Variants in ADAM9 observed in about 807,000 individuals in gnomAD.
ADAM9 encodes the protein disintegrin and metalloproteinase domain-containing protein 9.
ADAM9 carries 54 observed loss-of-function variants against 108.1 expected under a neutral mutation model. The observed-to-expected ratio is 0.50, with a 90% CI of 0.40 to 0.63. ADAM9 has a LOEUF of 0.63. ADAM9 is among the 20% of genes least tolerant of loss of function. ADAM9 has a pLI of 0.00. For missense variants in ADAM9, 830 were observed against 997.7 expected, an observed-to-expected ratio of 0.83 and a Z score of 2.26; for synonymous variants, 316 against 336.0, an observed-to-expected ratio of 0.94 and a Z score of 0.65.
rs183067218 is a variant in ADAM9 at position 39,100,334 on chromosome 8, G to C, written c.2299-1529G>C. On this transcript the variant is annotated intron_variant, in intron 20 of 21. Transcript: ENST00000487273. The stretch of plus-strand genomic sequence containing the variant: ...GAAACCCCGTCTCTACTAAAAATAC[G>C]AAAAAAAAATTAGCCAGGCGTGGTG... Among the ~76,000 whole-genome samples, 925 of 149,920 alleles carry C rather than the reference G, an allele frequency of 6.2e-3. 11 individuals are homozygous for C. The highest frequency in any genetic ancestry group is 0.022 in the African/African-American group (890 of 40,928).
chr8:39,011,187 G>A (rs1836343941), intron 2 of ADAM9, among the ~76,000 whole-genome samples: 1 of 151,970 alleles, frequency 6.6e-6, no homozygotes, highest in Non-Finnish European at 1.5e-5. Flanking sequence ...TTAATGTGAG[G>A]GAAAAAAGCA....
chr8:39,037,355 C>T (rs954485383), intron 11 of ADAM9, among the ~76,000 whole-genome samples: 10 of 149,550 alleles, frequency 6.7e-5, no homozygotes, highest in African/African-American at 1.5e-4. Context: ...GGCCTGCCTG[C>T]GCAAGTTCTA....
Position 39,045,155 on chromosome 8 carries a change from T to TATATGTGTGC in ADAM9, c.1302+3041_1302+3042insTGTGTGCATA, listed in dbSNP as rs1588375973. ...ACATACATATATGTGTATATATGTGTATACATACATATATGTGTATATATG... is the reference window on the plus strand; with the variant it reads ...ACATACATATATGTGTATATATGTGTATATGTGTGCATACATACATATATGTGTATATATG... On this transcript the variant is annotated intron_variant, in intron 12 of 21. Transcript: ENST00000487273. Among the ~76,000 whole-genome samples, 3 of 108,624 alleles carry TATATGTGTGC rather than the reference T, an allele frequency of 2.8e-5. 1 individual carries two copies. The highest frequency in any genetic ancestry group is 5.7e-4 in the East Asian group (2 of 3,496). 71.3% of individuals were successfully genotyped at this position (108,624 alleles called of 152,430 possible).
At chr8:39,051,390 G>GT (rs1837954718) in intron 12 of ADAM9, among the ~76,000 whole-genome samples, 2 of 152,194 alleles carry the variant, frequency 1.3e-5, no homozygotes, top group African/African-American at 4.8e-5. Flanking sequence ...CTCTCAACTA[G>GT]TTTCTGGATT....
At chr8:39,050,401 A>T (rs1245248635) in intron 12 of ADAM9, among the ~76,000 whole-genome samples, 1 of 149,664 alleles carries the variant, frequency 6.7e-6, no homozygotes, top group African/African-American at 2.4e-5. Flanking sequence ...TGTGTATATT[A>T]GTCTCTTGAT....
chr8:39,014,241 A>G (rs1836453243), intron 4 of ADAM9, 198 bp downstream of exon 4: 2 of 584,782 alleles, frequency 3.4e-6, no homozygotes, highest in Non-Finnish European at 3.0e-6. Context: ...CCAGGTACTC[A>G]GTAGTTAAGG....
Position 39,026,860 on chromosome 8 carries a change from T to C in ADAM9, c.1130+50T>C, listed in dbSNP as rs1347209365. The C allele has an allele frequency of 3.7e-6, 6 of 1,607,184 alleles. No individual in the cohort carries two copies. The Admixed American group carries it at 1.0e-4, about 27-fold the overall frequency. ...CTTTATTTGGTATTGTAGATCCATGTTTCTTACACTGTGAGGGATATTCAT... is the reference window on the plus strand; with the variant it reads ...CTTTATTTGGTATTGTAGATCCATGCTTCTTACACTGTGAGGGATATTCAT... On this transcript the variant is annotated intron_variant, in intron 11 of 21. Coordinates refer to ENST00000487273, the MANE Select transcript of ADAM9 (RefSeq NM_003816.3).
In ADAM9 at chr8:39,055,730, T is replaced by G. The variant is rs767809882; in HGVS notation, c.1549T>G (p.Cys517Gly). The change falls in exon 14 of 22, where the codon TGC becomes GGC. Residue 517 changes from cysteine to glycine, a missense_variant. Transcript: ENST00000487273. ...CAAAGCCTATTGCTACAACGGCATG[T>G]GCCAGTATTATGATGCTCAATGTCA... ...NNKAYCYNGM[C>G]QYYDAQCQVI... is the part of the protein sequence containing the mutation. 6.2e-7 allele frequency: 1 copy of G among 1,613,706 alleles called. No individual in the cohort carries two copies. Among genetic ancestry groups the G allele is most frequent in the South Asian group, 1.1e-5 (1 of 91,056 alleles).
At chr8:39,071,442 A>G (rs1050215150) in intron 15 of ADAM9, 39 bp downstream of exon 15, 8 of 1,200,380 alleles carry the variant, frequency 6.7e-6, no homozygotes, top group Non-Finnish European at 9.9e-6. Flanking sequence ...ATGAAAGATT[A>G]TAAGATCCGT....
Position 39,045,187 on chromosome 8 carries a change from C to CATACATATATGTGTATATATGTGT in ADAM9, c.1302+3078_1302+3101dup, listed in dbSNP as rs1564298477. On this transcript the variant is annotated intron_variant, in intron 12 of 21. Transcript: ENST00000487273. ...ACATATATGTGTATATATGTGTATA[C>CATACATATATGTGTATATATGTGT]ATACATATATGTGTATATATGTGTA... Among the ~76,000 whole-genome samples the CATACATATATGTGTATATATGTGT allele has an allele frequency of 1.4e-4, 14 of 100,848 alleles. 3 individuals are homozygous for CATACATATATGTGTATATATGTGT. The highest frequency in any genetic ancestry group is 3.8e-4 in the African/African-American group (12 of 31,426). 66.2% of individuals were successfully genotyped at this position (100,848 alleles called of 152,430 possible).
intron 11 of ADAM9, among the ~76,000 whole-genome samples, chr8:39,029,573 T>C (rs866425660): frequency 6.4e-4 from 98 of 152,214 alleles, no homozygotes; most frequent in African/African-American, 2.3e-3. Flanking sequence ...CTTCCTAGTT[T>C]GTTGAGATCT....
rs778628683 is a variant in ADAM9 at position 39,090,174 on chromosome 8, A to T, written c.2196A>T (p.Arg732Ser). ...GGAGAAGCTACTTCAGAAAGAAGAG[A>T]TCACAAACATATGAGTACTTAGATT... ...QLWRSYFRKKRSQTYESDGKN... is the reference protein window; with the variant it reads ...QLWRSYFRKKSSQTYESDGKN... Residue 732 changes from arginine (R) to serine (S), a missense_variant, in exon 19 of 22, where the codon AGA becomes AGT. By Grantham distance (110) the Arg-to-Ser change is moderately radical (BLOSUM62 -1). This residue lies in a region of ADAM9 where 238 missense variants were observed against 235.7 expected (regional missense o/e 1.01). Transcript: ENST00000487273. 1.5e-5 allele frequency: 24 copies of T among 1,613,512 alleles called. No individual in the cohort carries two copies. The Admixed American group carries it at 4.0e-4, about 27-fold the overall frequency.
At chr8:39,096,658 C>T (rs963400597) in intron 20 of ADAM9, among the ~76,000 whole-genome samples, 1 of 152,104 alleles carries the variant, frequency 6.6e-6, no homozygotes, top group Admixed American at 6.6e-5. Context: ...TTTTGTGTTG[C>T]TATTTATTTT....
At position 39,105,224 on chromosome 8, in the gene ADAM9, A is replaced by G; in HGVS notation, c.*1524A>G. The G allele has an allele frequency of 2.3e-6, 1 of 440,970 alleles. No homozygotes were observed. Among genetic ancestry groups the G allele is most frequent in the South Asian group, 1.7e-5 (1 of 60,584 alleles). The allele number at this position is 440,970 out of a possible 1,614,324, so 27.3% of individuals were successfully genotyped here. A position where few individuals can be genotyped will look rare whatever the true frequency, so the allele number is the denominator to read the frequency against. ...CTGAAGACAGCATGTTATTTTAACA[A>G]TCAAGTATACATATTAAAAATTGTG... is the stretch of plus-strand genomic sequence containing the variant. On this transcript the variant is annotated 3_prime_UTR_variant, in exon 22 of 22. Transcript: ENST00000487273.
At chr8:39,044,977 T>C (rs796438314) in intron 12 of ADAM9, among the ~76,000 whole-genome samples, 3 of 147,888 alleles carry the variant, frequency 2.0e-5, no homozygotes, top group Non-Finnish European at 4.6e-5. Context: ...CACATACCTA[T>C]GTATGTGTAT....
intron 11 of ADAM9, among the ~76,000 whole-genome samples, chr8:39,030,047 A>G (rs947113855): frequency 6.6e-6 from 1 of 152,094 alleles, no homozygotes; most frequent in Non-Finnish European, 1.5e-5. Flanking sequence ...CTCCATTTCA[A>G]TATCCCTCAA....
At chr8:38,997,493 G>A (rs1204959490) in intron 1 of ADAM9, among the ~76,000 whole-genome samples, 1 of 152,198 alleles carries the variant, frequency 6.6e-6, no homozygotes, top group Non-Finnish European at 1.5e-5. Context: ...GGCGGGCGCT[G>A]ACCTCGGCGG....
chr8:39,101,886 A>G lies in ADAM9; in HGVS notation c.2322A>G (p.Ala774=). ...REVPIYANRF[A]VPTYAAKQPQ... ...AGCCTATATATGCAAACAGATTTGC[A>G]GTACCAACCTATGCAGCCAAGCAAC... Residue 774 remains alanine, a synonymous_variant, in exon 21 of 22, where the codon GCA becomes GCG. Transcript: ENST00000487273. 1 of 1,613,816 alleles carries G rather than the reference A, an allele frequency of 6.2e-7. No homozygotes were observed. The highest frequency in any genetic ancestry group is 8.5e-7 in the Non-Finnish European group (1 of 1,179,830).
chr8:39,016,244 C>A (rs1241294116), intron 5 of ADAM9, 50 bp downstream of exon 5: 1 of 1,479,476 alleles, frequency 6.8e-7, no homozygotes. Context: ...TATGTCTTAC[C>A]CTCTTTCCTG....
Sources: allele counts gnomAD v4.1 joint callset (sites outside exome capture counted in the v4.1 genomes callset), GRCh38; gene constraint gnomAD v4.1.1; regional missense constraint gnomAD v4.1.1; transcripts MANE v1.5; gene names NCBI Gene and HGNC (gene_info 2026-07-23, HGNC 2026-07-21).